Variants in TRIO observed in about 807,000 individuals in gnomAD.
The protein encoded by TRIO is triple functional domain protein.
TRIO carries 58 observed loss-of-function variants against 351.9 expected under a neutral mutation model. The observed-to-expected ratio is 0.16, with a 90% CI of 0.13 to 0.21. The LOEUF (loss-of-function observed/expected upper bound fraction) is 0.21. TRIO is among the 10% of genes least tolerant of loss of function. TRIO has a pLI of 1.00. For synonymous variants in TRIO, 1,758 were observed against 1,595.7 expected, an observed-to-expected ratio of 1.10 and a Z score of -2.42; for missense variants, 3,201 against 4,027.8, an observed-to-expected ratio of 0.79 and a Z score of 5.56.
intron 1 of TRIO, among the ~76,000 whole-genome samples, chr5:14,239,412 C>A (rs943437793): frequency 1.3e-5 from 2 of 152,156 alleles, no homozygotes; most frequent in Non-Finnish European, 1.5e-5. Flanking sequence ...TCCTTGGTGT[C>A]TCTACTAACA....
chr5:14,446,430 C>T lies in TRIO; in HGVS notation c.5204-14589C>T, dbSNP rs115929909. On this transcript the variant is annotated intron_variant, in intron 34 of 56. Transcript: ENST00000344204. Reference sequence around the variant, plus strand: ...TAACCCAAAAAAGTGGGAGACAGCTCTCAATAAATGACAAAATGGTGATTT... The same window carrying T: ...TAACCCAAAAAAGTGGGAGACAGCTTTCAATAAATGACAAAATGGTGATTT... Among the ~76,000 whole-genome samples, 599 of 152,080 alleles carry T rather than the reference C, an allele frequency of 3.9e-3. 3 individuals carry two copies. Among genetic ancestry groups the T allele is most frequent in the African/African-American group, 0.014 (564 of 41,444 alleles).
At chr5:14,285,562 G>A (rs903081169) in intron 3 of TRIO, among the ~76,000 whole-genome samples, 1 of 152,002 alleles carries the variant, frequency 6.6e-6, no homozygotes, top group East Asian at 1.9e-4. Flanking sequence ...GGAGGGCAGG[G>A]TTAGGGGAGT....
At position 14,316,587 on chromosome 5, in the gene TRIO, A is replaced by G. The variant is rs1739400136; in HGVS notation, c.1575A>G (p.Thr525=). 6.2e-7 allele frequency: 1 copy of G among 1,614,224 alleles called. No individual in the cohort carries two copies. The highest frequency in any genetic ancestry group is 8.5e-7 in the Non-Finnish European group (1 of 1,180,036). ...PLTPGSSDSL[T]ASANYSKAVH... is the part of the protein sequence containing the mutation. ...CTCCCGGCAGCTCCGATTCCCTGAC[A>G]GCCTCTGCCAACTACTCCAAGGCCG... The change falls in exon 9 of 57, where the codon ACA becomes ACG. Residue 525 remains threonine, a synonymous_variant. Transcript: ENST00000344204.
intron 1 of TRIO, among the ~76,000 whole-genome samples, chr5:14,180,100 CAA>C (rs70964542): frequency 5.8e-4 from 16 of 27,738 alleles, no homozygotes; most frequent in East Asian, 4.3e-3. Context: ...GACTCCTGCT[CAA>C]AAAAAAAAAA....
chr5:14,261,404 G>A lies in TRIO; in HGVS notation c.158-9421G>A, dbSNP rs543680025. On this transcript the variant is annotated intron_variant, in intron 1 of 56. Transcript: ENST00000344204. ...TTAATGTGGCAGCAAATGGAGTCAC[G>A]TGAGCCCTCAGTAGGCTGCCTCCAG... Among the ~76,000 whole-genome samples, 3 of 152,314 alleles carry A rather than the reference G, an allele frequency of 2.0e-5. No individual in the cohort carries two copies. The South Asian group carries it at 6.2e-4, about 32-fold the overall frequency.
At chr5:14,410,665 T>G (rs1749122239) in intron 33 of TRIO, among the ~76,000 whole-genome samples, 2 of 152,132 alleles carry the variant, frequency 1.3e-5, no homozygotes, top group Admixed American at 1.3e-4. Flanking sequence ...AGAAACTGGG[T>G]CGGGGGATGT....
intron 34 of TRIO, among the ~76,000 whole-genome samples, chr5:14,451,856 C>T (rs1561506295): frequency 6.6e-6 from 1 of 152,238 alleles, no homozygotes; most frequent in Non-Finnish European, 1.5e-5. Context: ...ATCAAGACAT[C>T]ATTTCATTGT....
At chr5:14,285,895 G>C (rs1384203635) in intron 3 of TRIO, among the ~76,000 whole-genome samples, 1 of 152,158 alleles carries the variant, frequency 6.6e-6, no homozygotes, top group African/African-American at 2.4e-5. Context: ...AACAGTGAGG[G>C]TTGCAGTTGT....
At chr5:14,464,461 A>AT (rs1168723921) in intron 36 of TRIO, among the ~76,000 whole-genome samples, 1 of 152,032 alleles carries the variant, frequency 6.6e-6, no homozygotes, top group Non-Finnish European at 1.5e-5. Flanking sequence ...CTCGTGACTA[A>AT]TTTTTTGTTT....
chr5:14,509,723 T>G lies in TRIO; in HGVS notation c.*1301T>G. 1 of 317,880 alleles carries G rather than the reference T, an allele frequency of 3.1e-6. No individual in the cohort carries two copies. The highest frequency in any genetic ancestry group is 2.5e-5 in the South Asian group (1 of 40,334). 19.7% of individuals were successfully genotyped at this position (317,880 alleles called of 1,614,324 possible). ...CCGCGGCTGGTACCCAATGCCCGAG[T>G]CACTGTGGCAGCATTCGCACTGGTG... On this transcript the variant is annotated 3_prime_UTR_variant, in exon 57 of 57. Transcript: ENST00000344204.
intron 7 of TRIO, among the ~76,000 whole-genome samples, chr5:14,300,107 TA>T (rs1470590893): frequency 6.9e-4 from 105 of 152,386 alleles, no homozygotes; most frequent in African/African-American, 2.4e-3. Flanking sequence ...ACCACAGTGT[TA>T]ATGTTGTTAC....
intron 1 of TRIO, among the ~76,000 whole-genome samples, chr5:14,206,514 T>C (rs1198304857): frequency 1.3e-5 from 2 of 152,232 alleles, no homozygotes; most frequent in Admixed American, 6.5e-5. Context: ...CTCGAAAGTT[T>C]AACTCAACCT....
In TRIO at chr5:14,216,636, C is replaced by G. The variant is rs150019102; in HGVS notation, c.158-54189C>G. Among the ~76,000 whole-genome samples, 680 of 152,308 alleles carry G rather than the reference C, an allele frequency of 4.5e-3. 8 individuals are homozygous for G. The highest frequency in any genetic ancestry group is 0.016 in the African/African-American group (654 of 41,570). ...TCTGTACAGTGGATTGGAGTCCTACCTCTTGGTTTTTAAAGACTCTGTGTA... is the reference window on the plus strand; with the variant it reads ...TCTGTACAGTGGATTGGAGTCCTACGTCTTGGTTTTTAAAGACTCTGTGTA... On this transcript the variant is annotated intron_variant, in intron 1 of 56. Coordinates refer to ENST00000344204, the MANE Select transcript of TRIO (RefSeq NM_007118.4).
In TRIO at chr5:14,406,694, G is replaced by T. The variant is rs752466968; in HGVS notation, c.4959+22G>T. The T allele has an allele frequency of 2.5e-6, 4 of 1,609,938 alleles. No individual in the cohort carries two copies. The African/African-American group carries it at 5.3e-5, about 22-fold the overall frequency. On this transcript the variant is annotated intron_variant, in intron 33 of 56. Transcript: ENST00000344204. ...TAAGGTGAGTCACTGCCGGCACTTT[G>T]TGTGCGGAGGGGAATGTGGCCAGTC...
At chr5:14,463,876 A>G (rs1754021223) in intron 36 of TRIO, among the ~76,000 whole-genome samples, 1 of 152,072 alleles carries the variant, frequency 6.6e-6, no homozygotes, top group Non-Finnish European at 1.5e-5. Flanking sequence ...AAGTCAAATC[A>G]TGCACTCCTC....
At chr5:14,288,511 C>CA (rs1288611236) in intron 4 of TRIO, among the ~76,000 whole-genome samples, 2 of 151,946 alleles carry the variant, frequency 1.3e-5, no homozygotes, top group African/African-American at 2.4e-5. Context: ...TACTAAAATA[C>CA]AAAAAATTAG....
chr5:14,146,785 C>T (rs916476272), intron 1 of TRIO, among the ~76,000 whole-genome samples: 1 of 152,174 alleles, frequency 6.6e-6, no homozygotes, highest in Non-Finnish European at 1.5e-5. Flanking sequence ...AATCATTGTT[C>T]TCCGCTTTTC....
At chr5:14,415,414 A>G (rs985609974) in intron 33 of TRIO, among the ~76,000 whole-genome samples, 1 of 152,086 alleles carries the variant, frequency 6.6e-6, no homozygotes, top group Non-Finnish European at 1.5e-5. Context: ...ATCGAGAGCC[A>G]TATGTTCTTG....
chr5:14,197,010 C>A (rs908207590), intron 1 of TRIO, among the ~76,000 whole-genome samples: 3 of 152,164 alleles, frequency 2.0e-5, no homozygotes, highest in Non-Finnish European at 4.4e-5. Context: ...GTGTTCAATG[C>A]GTAATTACAC....
Sources: allele counts gnomAD v4.1 joint callset (sites outside exome capture counted in the v4.1 genomes callset), GRCh38; gene constraint gnomAD v4.1.1; transcripts MANE v1.5; gene names NCBI Gene and HGNC (gene_info 2026-07-23, HGNC 2026-07-21).